Variants in CNTN5 observed in about 807,000 individuals in gnomAD.
CNTN5 encodes the protein contactin-5.
A neutral mutation model predicts 129.1 loss-of-function variants in CNTN5; 77 were observed. That is an observed-to-expected ratio of 0.60 (90% CI 0.50 to 0.72). The LOEUF (loss-of-function observed/expected upper bound fraction) is 0.72. Ranked by LOEUF, CNTN5 falls within the 30% of genes least tolerant of loss-of-function variation. CNTN5 has a pLI of 0.00. For missense variants in CNTN5, 1,478 were observed against 1,328.8 expected, an observed-to-expected ratio of 1.11 and a Z score of -1.75; for synonymous variants, 509 against 465.6, an observed-to-expected ratio of 1.09 and a Z score of -1.20.
intron 3 of CNTN5, among the ~76,000 whole-genome samples, chr11:99,803,130 G>T (rs118124659): frequency 2.6e-5 from 4 of 152,176 alleles, no homozygotes; most frequent in Non-Finnish European, 5.9e-5. Flanking sequence ...CAGAAAGGAC[G>T]GGGTGGTTCA....
intron 6 of CNTN5, among the ~76,000 whole-genome samples, chr11:99,907,344 G>A (rs529507629): frequency 6.6e-6 from 1 of 152,078 alleles, no homozygotes; most frequent in South Asian, 2.1e-4. Flanking sequence ...AGGCATTTAG[G>A]TATAGTGCTA....
intron 1 of CNTN5, among the ~76,000 whole-genome samples, chr11:99,222,961 C>T (rs578042810): frequency 5.8e-4 from 89 of 152,152 alleles, no homozygotes; most frequent in Non-Finnish European, 1.0e-3. Flanking sequence ...CACTTTCCCT[C>T]AGGAGTATCA....
intron 18 of CNTN5, among the ~76,000 whole-genome samples, chr11:100,285,363 C>G (rs1950754945): frequency 6.6e-6 from 1 of 152,196 alleles, no homozygotes; most frequent in African/African-American, 2.4e-5. Flanking sequence ...AGCGTTCCAT[C>G]ATGCCCTATC....
intron 4 of CNTN5, among the ~76,000 whole-genome samples, chr11:99,830,031 T>G (rs1195769806): frequency 6.6e-6 from 1 of 152,030 alleles, no homozygotes; most frequent in Admixed American, 6.6e-5. Flanking sequence ...TTCTTCTATT[T>G]GTGATGAGAT....
At chr11:99,890,377 T>C (rs1325425756) in intron 6 of CNTN5, among the ~76,000 whole-genome samples, 4 of 152,086 alleles carry the variant, frequency 2.6e-5, no homozygotes, top group Admixed American at 2.6e-4. Context: ...ATTCCTTCTC[T>C]CTCTTCCTTA....
chr11:100,009,549 C>T (rs776866390), intron 9 of CNTN5, among the ~76,000 whole-genome samples: 8 of 152,022 alleles, frequency 5.3e-5, no homozygotes, highest in Non-Finnish European at 1.2e-4. Flanking sequence ...AGCTGTTCTC[C>T]AGTTTCAACA....
chr11:99,342,127 A>G (rs1384929673), intron 2 of CNTN5, among the ~76,000 whole-genome samples: 1 of 152,164 alleles, frequency 6.6e-6, no homozygotes, highest in African/African-American at 2.4e-5. Flanking sequence ...TAGTCTCAGA[A>G]AGATATGGAA....
chr11:99,105,009 T>A (rs1235243322), intron 1 of CNTN5, among the ~76,000 whole-genome samples: 1 of 152,162 alleles, frequency 6.6e-6, no homozygotes, highest in Non-Finnish European at 1.5e-5. Context: ...ATATAAGTGA[T>A]ATTGCTGCTG....
chr11:100,227,661 C>G (rs1203382689), intron 16 of CNTN5, among the ~76,000 whole-genome samples: 2 of 152,048 alleles, frequency 1.3e-5, no homozygotes, highest in Non-Finnish European at 2.9e-5. Context: ...TCTGGAGAAC[C>G]ATAATAGAAT....
In CNTN5 at chr11:99,412,271, G is replaced by A. The variant is rs553799638; in HGVS notation, c.-71+86787G>A. Among the ~76,000 whole-genome samples, 19 of 152,178 alleles carry A rather than the reference G, an allele frequency of 1.2e-4. No homozygotes were observed. In the South Asian group the frequency reaches 3.7e-3, roughly 30 times the overall value. On this transcript the variant is annotated intron_variant, in intron 2 of 24. Transcript: ENST00000524871. ...TTGGTGAGGGACAGGGAAAACAAAG[G>A]TGAATAGATAGTTTCTTATCCTCAA...
intron 2 of CNTN5, among the ~76,000 whole-genome samples, chr11:99,428,559 CAAAA>C (rs60754666): frequency 5.2e-5 from 3 of 57,304 alleles, no homozygotes; most frequent in Non-Finnish European, 7.9e-5. Context: ...GACCCTGTCT[CAAAA>C]AAAAAAAAAA....
At chr11:100,200,008 T>G (rs1195941796) in intron 15 of CNTN5, among the ~76,000 whole-genome samples, 1 of 152,026 alleles carries the variant, frequency 6.6e-6, no homozygotes, top group Non-Finnish European at 1.5e-5. Flanking sequence ...CTGCATAAAA[T>G]TCTGTTAAAA....
At chr11:99,420,537 T>C (rs916002039) in intron 2 of CNTN5, among the ~76,000 whole-genome samples, 1 of 152,194 alleles carries the variant, frequency 6.6e-6, no homozygotes, top group Admixed American at 6.5e-5. Context: ...CAGCTCAAAT[T>C]CTGGCCATTT....
chr11:99,907,567 A>G (rs990664981), intron 6 of CNTN5, among the ~76,000 whole-genome samples: 6 of 151,750 alleles, frequency 4.0e-5, no homozygotes, highest in Admixed American at 6.6e-5. Context: ...TACATATATT[A>G]TTAAAAATAT....
At chr11:99,872,483 C>G (rs1948527974) in intron 6 of CNTN5, among the ~76,000 whole-genome samples, 1 of 152,048 alleles carries the variant, frequency 6.6e-6, no homozygotes, top group Non-Finnish European at 1.5e-5. Flanking sequence ...GCCTCATTCC[C>G]TAAGGACAGC....
intron 1 of CNTN5, among the ~76,000 whole-genome samples, chr11:99,052,760 A>T (rs1197663438): frequency 1.3e-5 from 2 of 151,908 alleles, no homozygotes; most frequent in Non-Finnish European, 2.9e-5. Context: ...GAAAGTATTG[A>T]TACATGTAAT....
chr11:99,704,802 A>G (rs1465335635), intron 3 of CNTN5, among the ~76,000 whole-genome samples: 1 of 151,322 alleles, frequency 6.6e-6, no homozygotes, highest in African/African-American at 2.4e-5. Context: ...GTAAAAAAAT[A>G]AAAAATGCGA....
intron 1 of CNTN5, among the ~76,000 whole-genome samples, chr11:99,210,761 A>G (rs547201168): frequency 6.6e-6 from 1 of 152,296 alleles, no homozygotes; most frequent in African/African-American, 2.4e-5. Context: ...ATGTGATTAC[A>G]TGTTATTTCT....
intron 9 of CNTN5, among the ~76,000 whole-genome samples, chr11:100,023,974 T>C (rs1008541482): frequency 6.6e-6 from 1 of 152,202 alleles, no homozygotes; most frequent in African/African-American, 2.4e-5. Context: ...TAAATATCCA[T>C]GTGCATGGTT....
Sources: gnomAD v4.1 joint callset for allele counts (sites outside exome capture counted in the v4.1 genomes callset) on GRCh38, gnomAD v4.1.1 for gene constraint, MANE v1.5 for transcripts, NCBI Gene and HGNC (gene_info 2026-07-23, HGNC 2026-07-21) for gene names.